The following CCR2 variants were observed in gnomAD, a reference collection of about 807,000 sequenced individuals.
CCR2 encodes the protein C-C chemokine receptor type 2.
For missense variants in CCR2, 408 were observed against 440.0 expected (o/e 0.93, Z 0.65); for synonymous variants, 183 against 177.1 (o/e 1.03, Z -0.27).
At position 46,357,654 on chromosome 3, in the gene CCR2, C is replaced by T; in HGVS notation, c.127C>T (p.Gln43Ter). The change falls in exon 2 of 2, where the codon CAA (glutamine) becomes TAA (stop). Residue 43 changes from glutamine to a stop codon, truncating the protein, a stop_gained. Transcript: ENST00000445132. LOFTEE classifies it low-confidence loss of function (END_TRUNC). Reference sequence around the variant, plus strand: ...ATTTGACGTGAAGCAAATTGGGGCCCAACTCCTGCCTCCGCTCTACTCGCT... The same window carrying T: ...ATTTGACGTGAAGCAAATTGGGGCCTAACTCCTGCCTCCGCTCTACTCGCT... ...HKFDVKQIGA[Q>*]LLPPLYSLVF... 6.2e-7 allele frequency: 1 copy of T among 1,614,096 alleles called. No homozygotes were observed. Among genetic ancestry groups the T allele is most frequent in the Non-Finnish European group, 8.5e-7 (1 of 1,180,010 alleles).
chr3:46,358,742 A>T lies in CCR2; in HGVS notation c.*132A>T. 6.9e-7 allele frequency: 1 copy of T among 1,452,660 alleles called. No homozygotes were observed. The highest frequency in any genetic ancestry group is 9.1e-7 in the Non-Finnish European group (1 of 1,101,990). 90.0% of individuals were successfully genotyped at this position (1,452,660 alleles called of 1,614,324 possible). On this transcript the variant is annotated 3_prime_UTR_variant, in exon 2 of 2. Coordinates refer to ENST00000445132, the MANE Select transcript of CCR2 (RefSeq NM_001123396.4). Reference sequence around the variant, plus strand: ...AGGAACCTCAGGGCTGTGTGTACTAATACAGACTATGTCACCCAATGCATA... The same window carrying T: ...AGGAACCTCAGGGCTGTGTGTACTATTACAGACTATGTCACCCAATGCATA...
chr3:46,358,344 G>C lies in CCR2; in HGVS notation c.817G>C (p.Gly273Arg). The change falls in exon 2 of 2, where the codon GGC becomes CGC. Residue 273 changes from glycine (G) to arginine (R), a missense_variant. Coordinates refer to ENST00000445132, the MANE Select transcript of CCR2 (RefSeq NM_001123396.4). ...ILLNTFQEFF[G>R]LSNCESTSQL... is the part of the protein sequence containing the mutation. Reference sequence around the variant, plus strand: ...CCTGAACACCTTCCAGGAATTCTTCGGCCTGAGTAACTGTGAAAGCACCAG... The same window carrying C: ...CCTGAACACCTTCCAGGAATTCTTCCGCCTGAGTAACTGTGAAAGCACCAG... 6.2e-7 allele frequency: 1 copy of C among 1,614,076 alleles called. No individual in the cohort carries two copies. The highest frequency in any genetic ancestry group is 8.5e-7 in the Non-Finnish European group (1 of 1,180,010).
In CCR2 at chr3:46,359,957, G is replaced by C; in HGVS notation, c.*1347G>C. On this transcript the variant is annotated 3_prime_UTR_variant, in exon 2 of 2. Transcript: ENST00000445132. ...ATCTTGGTGTCTACGTTACCAGGCA[G>C]GAAGGCTGAGAGGAGAGAGACTCCA... 1.6e-6 allele frequency: 2 copies of C among 1,214,102 alleles called. No individual in the cohort carries two copies. Among genetic ancestry groups the C allele is most frequent in the Non-Finnish European group, 2.3e-6 (2 of 859,520 alleles). The allele number at this position is 1,214,102 out of a possible 1,614,324, so 75.2% of individuals were successfully genotyped here.
rs3918387 is a variant in CCR2, at chr3:46,359,799, G to A, written c.*1189G>A. On this transcript the variant is annotated 3_prime_UTR_variant, in exon 2 of 2. Transcript: ENST00000445132. ...ACACAAGGACTCCTCGATGGTCGTG[G>A]AAAAGGAAAGTCAATTGGCAGAGCC... is the stretch of plus-strand genomic sequence containing the variant. 7.9e-4 allele frequency: 1,277 copies of A among 1,614,104 alleles called. 11 individuals are homozygous for A. In the African/African-American group the frequency reaches 0.015, roughly 19 times the overall value.
rs914339831 is a variant in CCR2 at position 46,360,146 on chromosome 3, C to A, written c.*1536C>A. On this transcript the variant is annotated 3_prime_UTR_variant, in exon 2 of 2. Transcript: ENST00000445132. ...TAGTTTGAGTTACTATCATGTCAAA[C>A]GTGAAAATGCTGTATTAGTCACAGA... 1.4e-5 allele frequency: 5 copies of A among 345,370 alleles called. No homozygotes were observed. The highest frequency in any genetic ancestry group is 2.6e-5 in the Non-Finnish European group (5 of 189,484). 21.4% of individuals were successfully genotyped at this position (345,370 alleles called of 1,614,324 possible).
Position 46,357,533 on chromosome 3 carries a change from G to A in CCR2, c.6G>A (p.Leu2=). The change falls in exon 2 of 2, where the codon CTG becomes CTA. Residue 2 remains leucine, a synonymous_variant. Transcript: ENST00000445132. ...TTCCCCAGTACATCCACAACATGCTGTCCACATCTCGTTCTCGGTTTATCA... is the reference window on the plus strand; with the variant it reads ...TTCCCCAGTACATCCACAACATGCTATCCACATCTCGTTCTCGGTTTATCA... M[L]STSRSRFIRN... 6.2e-7 allele frequency: 1 copy of A among 1,613,634 alleles called. No homozygotes were observed. Among genetic ancestry groups the A allele is most frequent in the Non-Finnish European group, 8.5e-7 (1 of 1,179,626 alleles).
chr3:46,359,341 CT>C lies in CCR2; in HGVS notation c.*732del, dbSNP rs1406189835. 1.9e-6 allele frequency: 2 copies of C among 1,038,416 alleles called. No homozygotes were observed. The highest frequency in any genetic ancestry group is 5.4e-5 in the Admixed American group (1 of 18,682). The allele number at this position is 1,038,416 out of a possible 1,614,324, so 64.3% of individuals were successfully genotyped here. A position where few individuals can be genotyped will look rare whatever the true frequency, so the allele number is the denominator to read the frequency against. On this transcript the variant is annotated 3_prime_UTR_variant, in exon 2 of 2. Transcript: ENST00000445132. Reference sequence around the variant, plus strand: ...CAGATGCTTCTTAGGCCACATCCCCCTGTCTAAAAATTCAGAAAATTTTTGT... The same window carrying C: ...CAGATGCTTCTTAGGCCACATCCCCCGTCTAAAAATTCAGAAAATTTTTGT...
At chr3:46,356,912 C>T (rs938180269) in intron 1 of CCR2, among the ~76,000 whole-genome samples, 9 of 107,056 alleles carry the variant, frequency 8.4e-5, no homozygotes, top group South Asian at 2.7e-4. Flanking sequence ...AGCGAGACTC[C>T]GTCTCCAAAA....
Position 46,357,850 on chromosome 3 carries a change from T to G in CCR2, c.323T>G (p.Phe108Cys), listed in dbSNP as rs1209802498. The change falls in exon 2 of 2, where the codon TTT (phenylalanine) becomes TGT (cysteine). Residue 108 changes from phenylalanine to cysteine, a missense_variant. Coordinates refer to ENST00000445132, the MANE Select transcript of CCR2 (RefSeq NM_001123396.4). ...WAHSAANEWV[F>C]GNAMCKLFTG... ...CACTCTGCTGCAAATGAGTGGGTCT[T>G]TGGGAATGCAATGTGCAAATTATTC... 6.2e-7 allele frequency: 1 copy of G among 1,614,204 alleles called. No individual in the cohort carries two copies. Among genetic ancestry groups the G allele is most frequent in the South Asian group, 1.1e-5 (1 of 91,090 alleles).
intron 1 of CCR2, among the ~76,000 whole-genome samples, chr3:46,355,844 C>A (rs945205217): frequency 6.6e-6 from 1 of 152,146 alleles, no homozygotes; most frequent in Non-Finnish European, 1.5e-5. Context: ...ATAAAGAAAT[C>A]GGCACTTGAA....
rs41392351 is a variant in CCR2, at chr3:46,357,698, T to C, written c.171T>C (p.Phe57=). ...ACTCGCTGGTGTTCATCTTTGGTTT[T>C]GTGGGCAACATGCTGGTCGTCCTCA... is the stretch of plus-strand genomic sequence containing the variant. The part of the protein sequence containing the change: ...PLYSLVFIFG[F]VGNMLVVLIL... Residue 57 remains phenylalanine, a synonymous_variant, in exon 2 of 2, where the codon TTT becomes TTC. Transcript: ENST00000445132. 4 of 1,614,166 alleles carry C rather than the reference T, an allele frequency of 2.5e-6. No individual in the cohort carries two copies. Among genetic ancestry groups the C allele is most frequent in the Admixed American group, 3.3e-5 (2 of 60,012 alleles).
At position 46,359,777 on chromosome 3, in the gene CCR2, C is replaced by T; in HGVS notation, c.*1167C>T. ...AGGAAAGAATGTGAAAGTGACTACA[C>T]AAGGACTCCTCGATGGTCGTGGAAA... On this transcript the variant is annotated 3_prime_UTR_variant, in exon 2 of 2. Transcript: ENST00000445132. The T allele has an allele frequency of 6.2e-7, 1 of 1,614,104 alleles. No individual in the cohort carries two copies. The highest frequency in any genetic ancestry group is 1.1e-5 in the South Asian group (1 of 91,082).
At position 46,357,857 on chromosome 3, in the gene CCR2, T is replaced by G; in HGVS notation, c.330T>G (p.Asn110Lys). The change falls in exon 2 of 2, where the codon AAT (asparagine) becomes AAG (lysine). Residue 110 changes from asparagine to lysine, a missense_variant. Asn to Lys is a moderately conservative substitution (Grantham distance 94). Transcript: ENST00000445132. ...CTGCAAATGAGTGGGTCTTTGGGAA[T>G]GCAATGTGCAAATTATTCACAGGGC... ...HSAANEWVFG[N>K]AMCKLFTGLY... 6.2e-7 allele frequency: 1 copy of G among 1,614,232 alleles called. No homozygotes were observed. Among genetic ancestry groups the G allele is most frequent in the Non-Finnish European group, 8.5e-7 (1 of 1,180,018 alleles).
intron 1 of CCR2, 79 bp from the exon 2 acceptor site, chr3:46,357,398 A>G (rs375553715): frequency 2.1e-6 from 2 of 968,410 alleles, no homozygotes; most frequent in South Asian, 3.2e-5. Context: ...GAAGTTGCTT[A>G]TGTGGTGCCA....
At chr3:46,357,273 C>T (rs910326416) in intron 1 of CCR2, among the ~76,000 whole-genome samples, 4 of 152,238 alleles carry the variant, frequency 2.6e-5, no homozygotes, top group South Asian at 4.1e-4. Context: ...TAAAGGGTGT[C>T]GGAAAATGGC....
intron 1 of CCR2, among the ~76,000 whole-genome samples, chr3:46,357,038 G>A (rs902531149): frequency 2.0e-5 from 3 of 152,176 alleles, no homozygotes; most frequent in African/African-American, 7.2e-5. Context: ...ATGGCACCAT[G>A]CCCTCACTAG....
chr3:46,358,560 T>G lies in CCR2; in HGVS notation c.1033T>G (p.Ser345Ala). Reference protein sequence around the residue: ...FYRETVDGVTSTNTPSTGEQE... With the variant: ...FYRETVDGVTATNTPSTGEQE... ...CAGGGAGACAGTGGATGGAGTGACT[T>G]CAACAAACACGCCTTCCACTGGGGA... is the stretch of plus-strand genomic sequence containing the variant. The change falls in exon 2 of 2, where the codon TCA becomes GCA. Residue 345 changes from serine to alanine, a missense_variant. By Grantham distance (99) the Ser-to-Ala change is moderately conservative (BLOSUM62 1). Coordinates refer to ENST00000445132, the MANE Select transcript of CCR2 (RefSeq NM_001123396.4). 6.2e-7 allele frequency: 1 copy of G among 1,608,060 alleles called. No individual in the cohort carries two copies. Among genetic ancestry groups the G allele is most frequent in the South Asian group, 1.1e-5 (1 of 90,190 alleles).
chr3:46,357,435 G>T (rs1701473433), intron 1 of CCR2, 42 bp from the exon 2 acceptor site: 6 of 1,334,034 alleles, frequency 4.5e-6, no homozygotes, highest in Non-Finnish European at 6.3e-6. Flanking sequence ...ATGGATTGCG[G>T]TGTTTGTGTT....
chr3:46,358,032 G>A lies in CCR2; in HGVS notation c.505G>A (p.Val169Met). 1 of 1,614,170 alleles carries A rather than the reference G, an allele frequency of 6.2e-7. No individual in the cohort carries two copies. Among genetic ancestry groups the A allele is most frequent in the East Asian group, 2.2e-5 (1 of 44,882 alleles). Reference protein sequence around the residue: ...VTSVITWLVAVFASVPGIIFT... With the variant: ...VTSVITWLVAMFASVPGIIFT... ...AAGTGTGATCACCTGGTTGGTGGCTGTGTTTGCTTCTGTCCCAGGAATCAT... is the reference window on the plus strand; with the variant it reads ...AAGTGTGATCACCTGGTTGGTGGCTATGTTTGCTTCTGTCCCAGGAATCAT... The change falls in exon 2 of 2, where the codon GTG (valine) becomes ATG (methionine). Residue 169 changes from valine to methionine, a missense_variant. Physicochemically the swap from Val to Met is conservative, Grantham distance 21. Transcript: ENST00000445132.
Sources: gnomAD v4.1 joint callset for allele counts (sites outside exome capture counted in the v4.1 genomes callset) on GRCh38, gnomAD v4.1.1 for gene constraint, MANE v1.5 for transcripts, NCBI Gene and HGNC (gene_info 2026-07-23, HGNC 2026-07-21) for gene names.